The following CNTN4 variants were observed in gnomAD, a reference collection of about 807,000 sequenced individuals.
The protein encoded by CNTN4 is contactin-4.
CNTN4 carries 77 observed loss-of-function variants against 122.5 expected under a neutral mutation model. The ratio of observed to expected loss-of-function variants is 0.63; its 90% confidence interval spans 0.52 to 0.76. CNTN4 has a LOEUF of 0.76. CNTN4 is among the 30% of genes least tolerant of loss of function. The pLI, the probability that CNTN4 is intolerant of heterozygous loss-of-function variation, is 0.00. For missense variants in CNTN4, 1,256 were observed against 1,259.1 expected (o/e 1.00, Z 0.04); for synonymous variants, 512 against 447.0 (o/e 1.15, Z -1.83).
intron 14 of CNTN4, among the ~76,000 whole-genome samples, chr3:3,008,510 A>C (rs1027810293): frequency 2.0e-5 from 3 of 152,230 alleles, no homozygotes; most frequent in Non-Finnish European, 4.4e-5. Flanking sequence ...AATATGTAGC[A>C]CTTTTGCTCC....
At chr3:2,990,294 T>C (rs1309079203) in intron 14 of CNTN4, among the ~76,000 whole-genome samples, 1 of 152,236 alleles carries the variant, frequency 6.6e-6, no homozygotes, top group African/African-American at 2.4e-5. Context: ...TTCAAATGGA[T>C]ATGCGTGTAT....
intron 3 of CNTN4, among the ~76,000 whole-genome samples, chr3:2,419,476 G>T (rs747293454): frequency 6.6e-6 from 1 of 152,114 alleles, no homozygotes; most frequent in Non-Finnish European, 1.5e-5. Flanking sequence ...ACTGATACCC[G>T]TAAGTCCATT....
At chr3:2,475,197 G>T (rs1169557196) in intron 3 of CNTN4, among the ~76,000 whole-genome samples, 1 of 152,192 alleles carries the variant, frequency 6.6e-6, no homozygotes, top group Non-Finnish European at 1.5e-5. Context: ...TGTATCTGGG[G>T]TGGGAAATAT....
chr3:3,044,718 T>C (rs1700466268), intron 23 of CNTN4, among the ~76,000 whole-genome samples: 1 of 152,184 alleles, frequency 6.6e-6, no homozygotes, highest in South Asian at 2.1e-4. Flanking sequence ...CATTTCCAAC[T>C]GAGGTACTGG....
intron 4 of CNTN4, among the ~76,000 whole-genome samples, chr3:2,651,829 G>A (rs1056947313): frequency 1.3e-5 from 2 of 150,660 alleles, no homozygotes; most frequent in Middle Eastern, 3.4e-3. Context: ...TCTTACTCTC[G>A]AGTAGCTGGG....
chr3:2,430,878 A>G (rs933243345), intron 3 of CNTN4, among the ~76,000 whole-genome samples: 10 of 152,186 alleles, frequency 6.6e-5, no homozygotes, highest in African/African-American at 2.4e-4. Context: ...CAACAGACTT[A>G]TCTAAACAGC....
At chr3:2,168,397 A>G (rs1458152791) in intron 2 of CNTN4, among the ~76,000 whole-genome samples, 1 of 152,174 alleles carries the variant, frequency 6.6e-6, no homozygotes, top group East Asian at 1.9e-4. Context: ...ACTATGAACT[A>G]TCTTTAAAAC....
At chr3:2,966,477 A>G (rs1692321312) in intron 13 of CNTN4, among the ~76,000 whole-genome samples, 1 of 152,122 alleles carries the variant, frequency 6.6e-6, no homozygotes. Flanking sequence ...CAATTACCAG[A>G]AGGAGGGAGG....
At chr3:2,213,695 T>G (rs910435853) in intron 2 of CNTN4, among the ~76,000 whole-genome samples, 2 of 152,176 alleles carry the variant, frequency 1.3e-5, no homozygotes, top group African/African-American at 2.4e-5. Flanking sequence ...AAAAGTCAGC[T>G]TTCCCCCTGA....
At chr3:2,796,153 TAC>T (rs2092172765) in intron 6 of CNTN4, among the ~76,000 whole-genome samples, 1 of 152,158 alleles carries the variant, frequency 6.6e-6, no homozygotes, top group Non-Finnish European at 1.5e-5. Flanking sequence ...TTAGGTTAAA[TAC>T]TTGGTTTTGG....
intron 4 of CNTN4, among the ~76,000 whole-genome samples, chr3:2,698,021 A>T (rs1224730751): frequency 1.3e-5 from 2 of 152,210 alleles, no homozygotes; most frequent in Non-Finnish European, 2.9e-5. Context: ...GTTTGACTAA[A>T]TGGGTACGAT....
intron 2 of CNTN4, among the ~76,000 whole-genome samples, chr3:2,320,851 A>C (rs1480862015): frequency 6.6e-6 from 1 of 152,162 alleles, no homozygotes; most frequent in East Asian, 1.9e-4. Context: ...CAGCATAAGT[A>C]CATCTGTGTT....
intron 2 of CNTN4, among the ~76,000 whole-genome samples, chr3:2,301,573 C>G (rs2042525153): frequency 6.6e-6 from 1 of 152,180 alleles, no homozygotes; most frequent in Admixed American, 6.5e-5. Context: ...TTTTTAACAG[C>G]TTCACCATAT....
At chr3:2,457,470 A>G (rs1002938155) in intron 3 of CNTN4, among the ~76,000 whole-genome samples, 2 of 152,128 alleles carry the variant, frequency 1.3e-5, no homozygotes, top group Non-Finnish European at 1.5e-5. Context: ...AGGGTTAAAA[A>G]TCCAAACAGT....
At chr3:2,983,635 T>G (rs1329250159) in intron 13 of CNTN4, among the ~76,000 whole-genome samples, 1 of 152,182 alleles carries the variant, frequency 6.6e-6, no homozygotes, top group Non-Finnish European at 1.5e-5. Flanking sequence ...TATAGTTACT[T>G]TTATTATCCC....
intron 20 of CNTN4, 134 bp downstream of exon 20, chr3:3,040,405 T>A: frequency 1.3e-6 from 1 of 746,996 alleles, no homozygotes; most frequent in Non-Finnish European, 2.3e-6. Flanking sequence ...GAGGATAATG[T>A]AAACAATTTG....
At chr3:2,588,389 CAG>C (rs999567111) in intron 4 of CNTN4, among the ~76,000 whole-genome samples, 1 of 152,098 alleles carries the variant, frequency 6.6e-6, no homozygotes, top group African/African-American at 2.4e-5. Context: ...TTTTTTGAGA[CAG>C]AGCCTCGCAC....
intron 3 of CNTN4, among the ~76,000 whole-genome samples, chr3:2,417,041 G>T (rs1230656167): frequency 6.6e-6 from 1 of 152,190 alleles, no homozygotes; most frequent in Non-Finnish European, 1.5e-5. Flanking sequence ...TGGAGAGCTG[G>T]CAGACTGGTT....
Position 2,760,376 on chromosome 3 carries a change from A to G in CNTN4, c.358+14679A>G, listed in dbSNP as rs2090533514. 2.0e-5 allele frequency among the ~76,000 whole-genome samples: 3 copies of G among 152,304 alleles called. No individual in the cohort carries two copies. In the South Asian group the frequency reaches 6.2e-4, roughly 32 times the overall value. The stretch of plus-strand genomic sequence containing the variant: ...ATACGTTGAAGTATTCGTTCAAAAG[A>G]ATGATTTTTTTTTCAGATTCTTTCT... On this transcript the variant is annotated intron_variant, in intron 6 of 24. Transcript: ENST00000418658.
Sources: allele counts gnomAD v4.1 joint callset (sites outside exome capture counted in the v4.1 genomes callset), GRCh38; gene constraint gnomAD v4.1.1; transcripts MANE v1.5; gene names NCBI Gene and HGNC (gene_info 2026-07-23, HGNC 2026-07-21).